The following STPG2 variants were observed in gnomAD, a reference collection of about 807,000 sequenced individuals.
STPG2 encodes the protein sperm-tail PG-rich repeat-containing protein 2.
A neutral mutation model predicts 54.2 loss-of-function variants in STPG2; 56 were observed. That is an observed-to-expected ratio of 1.03 (90% CI 0.83 to 1.29). STPG2 has a LOEUF of 1.29. Among genes scored for constraint, STPG2 ranks in the 50% most tolerant of loss-of-function variants. The pLI is 0.00. For synonymous variants in STPG2, 200 were observed against 181.8 expected, an observed-to-expected ratio of 1.10 and a Z score of -0.81; for missense variants, 596 against 544.9, an observed-to-expected ratio of 1.09 and a Z score of -0.93.
intron 5 of STPG2, among the ~76,000 whole-genome samples, chr4:98,014,443 G>A (rs1478255621): frequency 6.6e-6 from 1 of 152,114 alleles, no homozygotes; most frequent in Non-Finnish European, 1.5e-5. Context: ...CCTGATGACA[G>A]AACCTGGATA....
At chr4:97,566,468 T>C (rs1732445770) in intron 10 of STPG2, among the ~76,000 whole-genome samples, 2 of 152,136 alleles carry the variant, frequency 1.3e-5, no homozygotes, top group South Asian at 4.1e-4. Flanking sequence ...TGTCTGGCAC[T>C]CCCTAGTGAG....
At chr4:97,959,813 TAGAG>T (rs1409831118) in intron 7 of STPG2, among the ~76,000 whole-genome samples, 1 of 151,960 alleles carries the variant, frequency 6.6e-6, no homozygotes, top group Non-Finnish European at 1.5e-5. Flanking sequence ...TTCAAAACGA[TAGAG>T]AAAGAGGGAA....
At chr4:97,649,854 CACATT>C (rs1722015916) in intron 10 of STPG2, among the ~76,000 whole-genome samples, 1 of 152,026 alleles carries the variant, frequency 6.6e-6, no homozygotes, top group African/African-American at 2.4e-5. Context: ...ATGATTCGAG[CACATT>C]ACATTTATTA....
chr4:97,633,099 A>G (rs1427693254), intron 10 of STPG2, among the ~76,000 whole-genome samples: 1 of 152,174 alleles, frequency 6.6e-6, no homozygotes, highest in Non-Finnish European at 1.5e-5. Flanking sequence ...GTACATGTGT[A>G]TATATGTATA....
At chr4:97,692,315 A>T (rs1473478806) in intron 10 of STPG2, among the ~76,000 whole-genome samples, 2 of 151,286 alleles carry the variant, frequency 1.3e-5, no homozygotes, top group East Asian at 3.9e-4. Flanking sequence ...AAAAAAAAAA[A>T]ACCTCAAGTG....
chr4:97,891,115 G>A (rs1730755702), intron 8 of STPG2, among the ~76,000 whole-genome samples: 1 of 151,958 alleles, frequency 6.6e-6, no homozygotes. Flanking sequence ...TTTATAAAAA[G>A]CATTGTACAA....
chr4:97,782,447 G>A (rs879045303), intron 9 of STPG2, among the ~76,000 whole-genome samples: 1 of 152,070 alleles, frequency 6.6e-6, no homozygotes. Context: ...ACAAATGGAA[G>A]AACATTCCAT....
At chr4:97,459,550 C>T (rs541712006) in intron 4 of STPG2, among the ~76,000 whole-genome samples, 159 of 151,826 alleles carry the variant, frequency 1.0e-3, no homozygotes, top group Middle Eastern at 3.4e-3. Context: ...CGCCATTCTC[C>T]TGCCTCAGCC....
rs192925058 is a variant in STPG2 at position 97,991,558 on chromosome 4, T to C, written c.613-10240A>G. ...TTTGCAATTGCAAATTGTGCTGCTA[T>C]AAACATGTGTGTGCAAGTATCTTTT... On this transcript the variant is annotated intron_variant, in intron 5 of 10. Transcript: ENST00000295268. Among the ~76,000 whole-genome samples, 813 of 151,972 alleles carry C rather than the reference T, an allele frequency of 5.3e-3. 5 individuals are homozygous for C. Among genetic ancestry groups the C allele is most frequent in the Middle Eastern group, 0.02 (6 of 294 alleles).
chr4:97,795,181 T>G (rs111425410), intron 9 of STPG2, among the ~76,000 whole-genome samples: 2,796 of 152,172 alleles, frequency 0.018, 78 homozygotes, highest in African/African-American at 0.064. Flanking sequence ...GTGTTTCTAC[T>G]TTTTTTATTA....
intron 5 of STPG2, among the ~76,000 whole-genome samples, chr4:97,982,829 G>A (rs2149264199): frequency 6.6e-6 from 1 of 152,170 alleles, no homozygotes; most frequent in South Asian, 2.1e-4. Context: ...TACATTTCTG[G>A]ACATACTACT....
At chr4:98,069,388 T>C (rs1284989024) in intron 5 of STPG2, among the ~76,000 whole-genome samples, 1 of 152,058 alleles carries the variant, frequency 6.6e-6, no homozygotes, top group African/African-American at 2.4e-5. Context: ...TTTTTGTATA[T>C]ATTATTTATA....
At chr4:97,940,177 C>A (rs1732922367) in intron 8 of STPG2, among the ~76,000 whole-genome samples, 1 of 152,092 alleles carries the variant, frequency 6.6e-6, no homozygotes, top group Non-Finnish European at 1.5e-5. Flanking sequence ...CTGTTAGCCT[C>A]ATAGAGATCC....
chr4:98,135,843 T>C (rs990319190), intron 1 of STPG2, among the ~76,000 whole-genome samples: 14 of 151,840 alleles, frequency 9.2e-5, no homozygotes, highest in Non-Finnish European at 1.3e-4. Flanking sequence ...AACATTCTAC[T>C]TACTCAGGGT....
intron 4 of STPG2, among the ~76,000 whole-genome samples, chr4:97,486,829 G>GTGTGTA (rs1490371230): frequency 5.4e-4 from 49 of 90,252 alleles, no homozygotes; most frequent in African/African-American, 1.3e-3. Flanking sequence ...GTGTGTGTGT[G>GTGTGTA]TATATATATA....
At chr4:97,621,996 C>A (rs1259262052) in intron 10 of STPG2, among the ~76,000 whole-genome samples, 2 of 152,156 alleles carry the variant, frequency 1.3e-5, no homozygotes, top group South Asian at 2.1e-4. Context: ...AAATGTAATT[C>A]ATTACATAAA....
At chr4:98,108,640 T>A (rs1046861539) in intron 4 of STPG2, among the ~76,000 whole-genome samples, 2 of 152,090 alleles carry the variant, frequency 1.3e-5, no homozygotes, top group Non-Finnish European at 2.9e-5. Flanking sequence ...GGACAGTATA[T>A]TTTAGTACAT....
At chr4:97,577,237 T>C (rs1330971354) in intron 10 of STPG2, among the ~76,000 whole-genome samples, 2 of 152,220 alleles carry the variant, frequency 1.3e-5, no homozygotes, top group Admixed American at 1.3e-4. Flanking sequence ...GTCCCATTAC[T>C]GGGTATACAG....
At chr4:97,919,298 A>C (rs917234294) in intron 8 of STPG2, among the ~76,000 whole-genome samples, 2 of 151,714 alleles carry the variant, frequency 1.3e-5, no homozygotes, top group Admixed American at 1.3e-4. Flanking sequence ...AACTAGAAAA[A>C]AAACAAATGA....
Sources: allele counts gnomAD v4.1 joint callset (sites outside exome capture counted in the v4.1 genomes callset), GRCh38; gene constraint gnomAD v4.1.1; transcripts MANE v1.5; gene names NCBI Gene and HGNC (gene_info 2026-07-23, HGNC 2026-07-21).